The following IL15 variants were observed in gnomAD, a reference collection of about 807,000 sequenced individuals.
IL15 encodes interleukin 15.
In IL15, 11 loss-of-function variants were observed where a neutral mutation model predicts 19.6. The ratio of observed to expected loss-of-function variants is 0.56; its 90% CI spans 0.35 to 0.93. IL15 has a LOEUF of 0.93. Ranked by LOEUF, IL15 falls within the 40% of genes least tolerant of loss-of-function variation. IL15 has a pLI of 0.01. For missense variants in IL15, 197 were observed against 186.5 expected, an observed-to-expected ratio of 1.06 and a Z score of -0.33; for synonymous variants, 58 against 59.6, an observed-to-expected ratio of 0.97 and a Z score of 0.12.
chr4:141,718,314 T>TA (rs1464350516), intron 2 of IL15: 1 of 151,930 alleles, frequency 6.6e-6, no homozygotes, highest in Non-Finnish European at 1.5e-5. Context: ...ATACCACAAC[T>TA]AAAAGGGATG....
rs148479560 is a variant in IL15, at chr4:141,727,218, A to G, written c.196-722A>G. On this transcript the variant is annotated intron_variant, in intron 5 of 7. Coordinates refer to ENST00000320650, the MANE Select transcript of IL15 (RefSeq NM_000585.5). The stretch of plus-strand genomic sequence containing the variant: ...ACACTTAAGATCATAATAGTGATTC[A>G]CCAACTATAACAAACACACCACACT... Among the ~76,000 whole-genome samples, 97 of 152,274 alleles carry G rather than the reference A, an allele frequency of 6.4e-4. 2 individuals carry two copies. The East Asian group carries it at 0.017, about 27-fold the overall frequency.
Position 141,719,361 on chromosome 4 carries a change from C to A in IL15, c.-99-5C>A, listed in dbSNP as rs1729995405. 2 of 657,390 alleles carry A rather than the reference C, an allele frequency of 3.0e-6. No individual in the cohort carries two copies. The highest frequency in any genetic ancestry group is 1.9e-5 in the South Asian group (1 of 51,468). The allele number at this position is 657,390 out of a possible 1,614,324, so 40.7% of individuals were successfully genotyped here. A position where few individuals can be genotyped will look rare whatever the true frequency, so the allele number is the denominator to read the frequency against. ...GTGTTTTTAATGGATCATACTTTAC[C>A]CTAGATTGTATTGTAGGAGGCATTG... On this transcript the variant is annotated splice_region_variant and splice_polypyrimidine_tract_variant and intron_variant, in intron 2 of 7. Coordinates refer to ENST00000320650, the MANE Select transcript of IL15 (RefSeq NM_000585.5).
intron 2 of IL15, among the ~76,000 whole-genome samples, chr4:141,680,620 C>T (rs1224458233): frequency 6.6e-6 from 1 of 152,150 alleles, no homozygotes; most frequent in Non-Finnish European, 1.5e-5. Flanking sequence ...CAGAGCTGTG[C>T]TTGCCTTTTG....
chr4:141,646,617 A>G (rs1319537081), intron 1 of IL15, among the ~76,000 whole-genome samples: 6 of 152,068 alleles, frequency 3.9e-5, no homozygotes, highest in Admixed American at 2.0e-4. Context: ...TGTGTTTACT[A>G]TATATCATGT....
chr4:141,657,835 A>G (rs1376013254), intron 2 of IL15, among the ~76,000 whole-genome samples: 2 of 152,250 alleles, frequency 1.3e-5, no homozygotes, highest in African/African-American at 2.4e-5. Context: ...TTAAGAAAAT[A>G]TAAGTAAAAG....
intron 2 of IL15, among the ~76,000 whole-genome samples, chr4:141,714,467 T>C (rs776962011): frequency 2.0e-5 from 3 of 152,162 alleles, no homozygotes; most frequent in Non-Finnish European, 4.4e-5. Context: ...TGGAGCAGGA[T>C]TCTTAAAAAC....
chr4:141,685,096 CT>C (rs1728667274), intron 2 of IL15, among the ~76,000 whole-genome samples: 1 of 152,084 alleles, frequency 6.6e-6, no homozygotes, highest in Non-Finnish European at 1.5e-5. Context: ...TATTAAACTT[CT>C]GTCATGTACG....
chr4:141,646,349 G>C (rs139445579), intron 1 of IL15, among the ~76,000 whole-genome samples: 201 of 152,058 alleles, frequency 1.3e-3, no homozygotes, highest in Admixed American at 3.1e-3. Flanking sequence ...AGTTACACTG[G>C]CACCTTTTCT....
rs1352352370 is a variant in IL15 at position 141,733,703 on chromosome 4, AG to A, written c.*858del. On this transcript the variant is annotated 3_prime_UTR_variant, in exon 8 of 8. Coordinates refer to ENST00000320650, the MANE Select transcript of IL15 (RefSeq NM_000585.5). ...AATTCTTCTTATTCCAATGTGGCCCAGGGAAATCAAAAGATTGGATGCCCCT... is the reference window on the plus strand; with the variant it reads ...AATTCTTCTTATTCCAATGTGGCCCAGGAAATCAAAAGATTGGATGCCCCT... 1.3e-5 allele frequency: 2 copies of A among 152,232 alleles called. No homozygotes were observed. Among genetic ancestry groups the A allele is most frequent in the African/African-American group, 4.8e-5 (2 of 41,460 alleles). The allele number at this position is 152,232 out of a possible 1,614,324, so 9.4% of individuals were successfully genotyped here. A position where few individuals can be genotyped will look rare whatever the true frequency, so the allele number is the denominator to read the frequency against.
intron 2 of IL15, among the ~76,000 whole-genome samples, chr4:141,665,721 C>T (rs1470942518): frequency 2.0e-5 from 3 of 152,058 alleles, no homozygotes; most frequent in Non-Finnish European, 4.4e-5. Context: ...CATATTCATT[C>T]CTAACTATGG....
intron 5 of IL15, among the ~76,000 whole-genome samples, chr4:141,723,570 G>A (rs1175812815): frequency 6.6e-6 from 1 of 152,170 alleles, no homozygotes; most frequent in Admixed American, 6.5e-5. Flanking sequence ...CTCCAGAACT[G>A]TAAATGAATA....
intron 2 of IL15, among the ~76,000 whole-genome samples, chr4:141,689,239 G>C (rs1225162989): frequency 6.6e-6 from 1 of 152,156 alleles, no homozygotes; most frequent in Admixed American, 6.5e-5. Context: ...GTGTGGAAGG[G>C]GACCTGAGCA....
chr4:141,672,520 C>T (rs1236121000), intron 2 of IL15, among the ~76,000 whole-genome samples: 1 of 152,134 alleles, frequency 6.6e-6, no homozygotes, highest in Non-Finnish European at 1.5e-5. Context: ...TGATTTATTT[C>T]TGTTGTTTTG....
intron 5 of IL15, among the ~76,000 whole-genome samples, chr4:141,725,204 A>G (rs1429883255): frequency 6.6e-6 from 1 of 152,200 alleles, no homozygotes; most frequent in African/African-American, 2.4e-5. Flanking sequence ...CATATGTAGA[A>G]AAGGTATCTG....
At chr4:141,695,638 T>C (rs1729067136) in intron 2 of IL15, among the ~76,000 whole-genome samples, 2 of 152,144 alleles carry the variant, frequency 1.3e-5, no homozygotes, top group African/African-American at 4.8e-5. Context: ...TTTTTAATTG[T>C]TTGAGGAACC....
At chr4:141,667,765 G>C (rs190224374) in intron 2 of IL15, among the ~76,000 whole-genome samples, 40 of 152,166 alleles carry the variant, frequency 2.6e-4, no homozygotes, top group African/African-American at 8.9e-4. Flanking sequence ...AGGTAATGCG[G>C]GGTGTATTTA....
chr4:141,695,956 T>C (rs1213219834), intron 2 of IL15, among the ~76,000 whole-genome samples: 1 of 152,146 alleles, frequency 6.6e-6, no homozygotes, highest in Non-Finnish European at 1.5e-5. Flanking sequence ...TCATTTGATA[T>C]AATCTCATTT....
intron 7 of IL15, 58 bp downstream of exon 7, chr4:141,730,042 A>G (rs974272087): frequency 2.9e-6 from 4 of 1,379,290 alleles, no homozygotes; most frequent in Non-Finnish European, 4.1e-6. Context: ...TGATTTGGAG[A>G]AGTCATTCAT....
intron 1 of IL15, among the ~76,000 whole-genome samples, chr4:141,650,480 G>C (rs576236114): frequency 6.6e-6 from 1 of 151,996 alleles, no homozygotes; most frequent in African/African-American, 2.4e-5. Context: ...AGTTAATATG[G>C]AGAAGCAGCA....
Sources: allele counts gnomAD v4.1 joint callset (sites outside exome capture counted in the v4.1 genomes callset), GRCh38; gene constraint gnomAD v4.1.1; transcripts MANE v1.5; gene names NCBI Gene and HGNC (gene_info 2026-07-23, HGNC 2026-07-21).